TMEM232: variants seen among roughly 807,000 people sequenced by gnomAD.
TMEM232 encodes the protein transmembrane protein 232.
Under a neutral mutation model 78.8 loss-of-function variants are expected in TMEM232, and 80 were observed. That is an observed-to-expected ratio of 1.01 (90% confidence interval 0.85 to 1.22). The LOEUF is 1.22. Ranked by LOEUF, TMEM232 falls within the 50% of genes most tolerant of loss-of-function variation. The pLI is 0.00. For synonymous variants in TMEM232, 297 were observed against 254.3 expected (o/e 1.17, Z -1.60); for missense variants, 881 against 742.2 (o/e 1.19, Z -2.17).
At chr5:110,553,292 T>C (rs1774682491) in intron 11 of TMEM232, among the ~76,000 whole-genome samples, 1 of 152,170 alleles carries the variant, frequency 6.6e-6, no homozygotes, top group Non-Finnish European at 1.5e-5. Context: ...TCAATAGGAA[T>C]AACATTCAAT....
intron 1 of TMEM232, among the ~76,000 whole-genome samples, chr5:110,696,483 C>T (rs961633928): frequency 4.6e-5 from 7 of 152,012 alleles, no homozygotes; most frequent in Non-Finnish European, 8.8e-5. Context: ...AAATAAAGGG[C>T]ATTCAATTAG....
intron 10 of TMEM232, among the ~76,000 whole-genome samples, chr5:110,599,959 A>G (rs552068016): frequency 1.3e-5 from 2 of 151,750 alleles, no homozygotes; most frequent in South Asian, 4.2e-4. Flanking sequence ...AAATCATAAC[A>G]GTCTCTCAGA....
At chr5:110,668,693 T>C (rs1377750703) in intron 1 of TMEM232, among the ~76,000 whole-genome samples, 9 of 152,226 alleles carry the variant, frequency 5.9e-5, no homozygotes, top group East Asian at 5.8e-4. Context: ...CAGCACCACA[T>C]CGCACTTATT....
intron 12 of TMEM232, among the ~76,000 whole-genome samples, chr5:110,443,076 G>A (rs77830639): frequency 0.05 from 7,636 of 152,144 alleles, 412 homozygotes; most frequent in East Asian, 0.21. Flanking sequence ...TACTGTAACC[G>A]CTGCCTGGCT....
At chr5:110,620,858 C>CTTTTTTTTTTT (rs558332663) in intron 7 of TMEM232, among the ~76,000 whole-genome samples, 2 of 87,450 alleles carry the variant, frequency 2.3e-5, no homozygotes, top group African/African-American at 1.1e-4. Context: ...ATTTCAAGCG[C>CTTTTTTTTTTT]TTTTTTTTTT....
At chr5:110,408,011 T>G (rs1420739803) in intron 2 of TMEM232, among the ~76,000 whole-genome samples, 1 of 151,972 alleles carries the variant, frequency 6.6e-6, no homozygotes, top group Non-Finnish European at 1.5e-5. Flanking sequence ...CGAATGAAAT[T>G]TAAATTTTTT....
intron 2 of TMEM232, among the ~76,000 whole-genome samples, chr5:110,647,527 G>C (rs949618873): frequency 1.3e-5 from 2 of 151,732 alleles, no homozygotes; most frequent in Admixed American, 1.3e-4. Flanking sequence ...GAAGTTTTTT[G>C]TCGTGTTTTT....
intron 5 of TMEM232, among the ~76,000 whole-genome samples, chr5:110,632,366 C>T (rs1364292810): frequency 6.6e-6 from 1 of 151,750 alleles, no homozygotes; most frequent in Non-Finnish European, 1.5e-5. Flanking sequence ...GATGATACTT[C>T]CAAAGGAATA....
At position 110,625,249 on chromosome 5, in the gene TMEM232, C is replaced by T; in HGVS notation, c.768+18G>A. The T allele has an allele frequency of 6.6e-7, 1 of 1,507,244 alleles. No homozygotes were observed. Among genetic ancestry groups the T allele is most frequent in the Non-Finnish European group, 8.9e-7 (1 of 1,125,286 alleles). The allele number at this position is 1,507,244 out of a possible 1,614,324, so 93.4% of individuals were successfully genotyped here. ...TGCATCAGGCAACAGGATATACCCACCATACCAGATTACTCACCATATCAG... is the reference window on the plus strand; with the variant it reads ...TGCATCAGGCAACAGGATATACCCATCATACCAGATTACTCACCATATCAG... On this transcript the variant is annotated intron_variant, in intron 7 of 13. Transcript: ENST00000455884.
intron 10 of TMEM232, among the ~76,000 whole-genome samples, chr5:110,603,542 T>C (rs538604376): frequency 1.3e-5 from 2 of 152,192 alleles, no homozygotes; most frequent in South Asian, 2.1e-4. Flanking sequence ...AAGGCCAAAA[T>C]TGTAGATGAG....
Position 110,427,333 on chromosome 5 carries a change from CA to C in TMEM232, c.1704-2418del, listed in dbSNP as rs1757347738. ...AATTAGATATAAATCAAACATTAAA[CA>C]AGTTTCAGCTGCAATATCTTTATCA... On this transcript the variant is annotated intron_variant, in intron 12 of 13. Coordinates refer to ENST00000455884, the MANE Select transcript of TMEM232 (RefSeq NM_001039763.4). Among the ~76,000 whole-genome samples the C allele has an allele frequency of 7.9e-5, 12 of 151,908 alleles. No homozygotes were observed. The South Asian group carries it at 2.5e-3, about 31-fold the overall frequency.
chr5:110,508,930 TTA>T lies in TMEM232; in HGVS notation c.1703+19656_1703+19657del, dbSNP rs200019203. 1.5e-3 allele frequency among the ~76,000 whole-genome samples: 201 copies of T among 137,896 alleles called. 1 individual carries two copies. Among genetic ancestry groups the T allele is most frequent in the African/African-American group, 5.2e-3 (194 of 37,478 alleles). The allele number at this position is 137,896 out of a possible 152,430, so 90.5% of individuals were successfully genotyped here. A position where few individuals can be genotyped will look rare whatever the true frequency, so the allele number is the denominator to read the frequency against. The stretch of plus-strand genomic sequence containing the variant: ...AAATTATATATATGTATATATATAA[TTA>T]TATATATACACACACACATATATGT... On this transcript the variant is annotated intron_variant, in intron 12 of 13. Coordinates refer to ENST00000455884, the MANE Select transcript of TMEM232 (RefSeq NM_001039763.4).
chr5:110,437,083 C>T (rs972276189), intron 12 of TMEM232, among the ~76,000 whole-genome samples: 8 of 151,974 alleles, frequency 5.3e-5, no homozygotes, highest in Admixed American at 1.3e-4. Flanking sequence ...AATCCATGAA[C>T]ATGAAATATC....
At chr5:110,711,890 A>G (rs1256628690) in intron 1 of TMEM232, among the ~76,000 whole-genome samples, 1 of 151,992 alleles carries the variant, frequency 6.6e-6, no homozygotes, top group East Asian at 1.9e-4. Flanking sequence ...GCAGATCACG[A>G]AGTCAGGAGA....
intron 12 of TMEM232, among the ~76,000 whole-genome samples, chr5:110,497,654 C>A (rs1389991088): frequency 6.6e-6 from 1 of 152,058 alleles, no homozygotes; most frequent in East Asian, 1.9e-4. Context: ...TGAGGTTGAC[C>A]CTTGATATAC....
intron 12 of TMEM232, among the ~76,000 whole-genome samples, chr5:110,522,672 C>A (rs182389250): frequency 2.6e-5 from 4 of 151,990 alleles, no homozygotes; most frequent in African/African-American, 9.7e-5. Flanking sequence ...GAGATTATTA[C>A]GTAATTTTTA....
At chr5:110,521,840 C>T (rs946072330) in intron 12 of TMEM232, among the ~76,000 whole-genome samples, 1 of 152,058 alleles carries the variant, frequency 6.6e-6, no homozygotes, top group Admixed American at 6.6e-5. Flanking sequence ...ATGCTAATAC[C>T]ATACTCTTTT....
chr5:110,389,898 G>A (rs1367019947), intron 4 of TMEM232, among the ~76,000 whole-genome samples: 1 of 152,158 alleles, frequency 6.6e-6, no homozygotes, highest in Non-Finnish European at 1.5e-5. Flanking sequence ...CAAGAAGTCA[G>A]GTCTGCCTAT....
chr5:110,659,291 C>T (rs1561468911), intron 2 of TMEM232, among the ~76,000 whole-genome samples: 1 of 152,016 alleles, frequency 6.6e-6, no homozygotes, highest in Non-Finnish European at 1.5e-5. Context: ...ACATAGAAGG[C>T]TACCTTGGTG....
Sources: allele counts gnomAD v4.1 joint callset (sites outside exome capture counted in the v4.1 genomes callset), GRCh38; gene constraint gnomAD v4.1.1; transcripts MANE v1.5; gene names NCBI Gene and HGNC (gene_info 2026-07-23, HGNC 2026-07-21).